PLPPR5: variants seen among roughly 807,000 people sequenced by gnomAD.
PLPPR5 encodes the protein phospholipid phosphatase related 5, also known as phospholipid phosphatase-related protein type 5.
PLPPR5 carries 16 observed loss-of-function variants against 33.9 expected under a neutral mutation model. The ratio of observed to expected loss-of-function variants is 0.47; its 90% CI spans 0.32 to 0.72. The LOEUF (loss-of-function observed/expected upper bound fraction) is 0.72. Ranked by LOEUF, PLPPR5 falls within the 30% of genes least tolerant of loss-of-function variation. PLPPR5 has a pLI of 0.03. For synonymous variants in PLPPR5, 163 were observed against 150.3 expected, an observed-to-expected ratio of 1.08 and a Z score of -0.62; for missense variants, 301 against 406.7, an observed-to-expected ratio of 0.74 and a Z score of 2.23.
intron 4 of PLPPR5, among the ~76,000 whole-genome samples, chr1:98,920,556 T>C (rs1378549542): frequency 8.2e-6 from 1 of 122,366 alleles, no homozygotes; most frequent in Non-Finnish European, 1.6e-5. Flanking sequence ...AGTCTAAGTC[T>C]CCCAGGGACC....
At chr1:98,957,151 A>C (rs1046774331) in intron 1 of PLPPR5, among the ~76,000 whole-genome samples, 8 of 141,248 alleles carry the variant, frequency 5.7e-5, no homozygotes, top group Non-Finnish European at 1.1e-4. Flanking sequence ...ACACATGGAC[A>C]CAGGAAGGGG....
intron 5 of PLPPR5, among the ~76,000 whole-genome samples, 163 bp downstream of exon 5, chr1:98,914,623 A>G (rs992276735): frequency 5.3e-5 from 8 of 152,112 alleles, no homozygotes; most frequent in African/African-American, 1.9e-4. Context: ...AATGTGATAT[A>G]TATTTTTCTA....
chr1:98,953,180 T>C lies in PLPPR5; in HGVS notation c.511A>G (p.Ile171Val), dbSNP rs1243705623. ...ALGCQQYTQFISGEEACTGNP... is the reference protein window; with the variant it reads ...ALGCQQYTQFVSGEEACTGNP... ...CCAGTACAGGCCTCTTCCCCACTGA[T>C]GAATTGTGTATACTGCTGACATCCA... The change falls in exon 3 of 6, where the codon ATC becomes GTC. Residue 171 changes from isoleucine (I) to valine (V), a missense_variant. Transcript: ENST00000263177. 1.9e-6 allele frequency: 3 copies of C among 1,614,136 alleles called. No individual in the cohort carries two copies. The South Asian group carries it at 3.3e-5, about 18-fold the overall frequency.
intron 1 of PLPPR5, among the ~76,000 whole-genome samples, chr1:98,970,950 C>T (rs1007385654): frequency 6.6e-6 from 1 of 152,046 alleles, no homozygotes; most frequent in Non-Finnish European, 1.5e-5. Flanking sequence ...CTGCACTTAT[C>T]AGTATAATTT....
At chr1:98,987,300 G>A (rs977593374) in intron 1 of PLPPR5, among the ~76,000 whole-genome samples, 1 of 151,716 alleles carries the variant, frequency 6.6e-6, no homozygotes, top group Admixed American at 6.6e-5. Context: ...TAAATTATAT[G>A]GGAAGCACTT....
chr1:98,983,747 C>T (rs1214994380), intron 1 of PLPPR5, among the ~76,000 whole-genome samples: 2 of 151,908 alleles, frequency 1.3e-5, no homozygotes, highest in African/African-American at 4.8e-5. Context: ...TCTCCAGCAC[C>T]TGTTGTTTCC....
chr1:98,907,647 G>A (rs541159452), intron 5 of PLPPR5, among the ~76,000 whole-genome samples: 1 of 152,258 alleles, frequency 6.6e-6, no homozygotes, highest in South Asian at 2.1e-4. Context: ...TAAAATGAAT[G>A]GGAAAAGATT....
intron 1 of PLPPR5, among the ~76,000 whole-genome samples, chr1:98,966,034 A>C (rs1037168645): frequency 1.3e-5 from 2 of 152,180 alleles, no homozygotes; most frequent in Admixed American, 6.5e-5. Flanking sequence ...GTGGGGTTTT[A>C]TTTGTTACAG....
chr1:98,915,400 C>T (rs185279462), intron 4 of PLPPR5, among the ~76,000 whole-genome samples: 1 of 152,060 alleles, frequency 6.6e-6, no homozygotes, highest in Non-Finnish European at 1.5e-5. Flanking sequence ...CCTTAATTAA[C>T]CTAGCTTATC....
intron 3 of PLPPR5, among the ~76,000 whole-genome samples, chr1:98,925,322 T>A (rs143314348): frequency 2.0e-3 from 305 of 152,254 alleles, no homozygotes; most frequent in African/African-American, 6.5e-3. Context: ...TCCTCTAGGG[T>A]CAGTAGATGC....
chr1:98,993,725 T>A (rs1277534442), intron 1 of PLPPR5, among the ~76,000 whole-genome samples: 1 of 152,122 alleles, frequency 6.6e-6, no homozygotes, highest in African/African-American at 2.4e-5. Context: ...TTTGATGAGA[T>A]ATCTGGAAAT....
In PLPPR5 at chr1:99,003,488, T is replaced by G. The variant is rs747026157; in HGVS notation, c.237+947A>C. Among the ~76,000 whole-genome samples, 30 of 152,028 alleles carry G rather than the reference T, an allele frequency of 2.0e-4. 1 individual carries two copies. Among genetic ancestry groups the G allele is most frequent in the Admixed American group, 1.9e-3 (29 of 15,260 alleles). ...GGAACCTCCAATACTTTGTCAATAT[T>G]AAAGGAACCATAAAATATCAGGTTT... is the stretch of plus-strand genomic sequence containing the variant. On this transcript the variant is annotated intron_variant, in intron 1 of 5. Coordinates refer to ENST00000263177, the MANE Select transcript of PLPPR5 (RefSeq NM_001037317.2).
At chr1:98,928,659 C>G (rs1649854132) in intron 3 of PLPPR5, among the ~76,000 whole-genome samples, 1 of 147,668 alleles carries the variant, frequency 6.8e-6, no homozygotes, top group Non-Finnish European at 1.5e-5. Context: ...AGTGAATATT[C>G]CAAAAAAGAT....
chr1:98,923,661 TG>T (rs1376776551), intron 3 of PLPPR5, among the ~76,000 whole-genome samples: 1 of 152,140 alleles, frequency 6.6e-6, no homozygotes, highest in Non-Finnish European at 1.5e-5. Context: ...CTCAATACTC[TG>T]GGGCAGGGGG....
At chr1:98,893,670 A>G (rs1570674407) in intron 5 of PLPPR5, among the ~76,000 whole-genome samples, 1 of 148,314 alleles carries the variant, frequency 6.7e-6, no homozygotes, top group Admixed American at 6.7e-5. Context: ...GTACAAAGAA[A>G]CTCTGTGGAA....
chr1:99,004,035 C>T (rs1291344484), intron 1 of PLPPR5, among the ~76,000 whole-genome samples: 1 of 152,178 alleles, frequency 6.6e-6, no homozygotes, highest in Non-Finnish European at 1.5e-5. Flanking sequence ...GGCCCGCCCG[C>T]CGCTGCTCTT....
chr1:98,969,112 G>T (rs434638), intron 1 of PLPPR5, among the ~76,000 whole-genome samples: 4 of 152,034 alleles, frequency 2.6e-5, no homozygotes, highest in African/African-American at 9.7e-5. Context: ...TTTGAGCTTA[G>T]AAATATATAT....
At chr1:98,945,370 T>G (rs1021567142) in intron 3 of PLPPR5, among the ~76,000 whole-genome samples, 2 of 152,224 alleles carry the variant, frequency 1.3e-5, no homozygotes, top group Non-Finnish European at 2.9e-5. Flanking sequence ...TCTTCCTAAT[T>G]CATATTATGC....
At position 98,921,902 on chromosome 1, in the gene PLPPR5, T is replaced by G; in HGVS notation, c.778A>C (p.Ile260Leu). ...CTTACCAGAAATACTGCTATAGATA[T>G]TCCAACCAGAAAGCCTGCTATAACA... The part of the protein sequence containing the change: ...SDVIAGFLVG[I>L]SIAVFLVVCV... The change falls in exon 4 of 6, where the codon ATA (isoleucine) becomes CTA (leucine). Residue 260 changes from isoleucine to leucine, a missense_variant. Transcript: ENST00000263177. 6.2e-7 allele frequency: 1 copy of G among 1,613,358 alleles called. No individual in the cohort carries two copies.
Sources: allele counts gnomAD v4.1 joint callset (sites outside exome capture counted in the v4.1 genomes callset), GRCh38; gene constraint gnomAD v4.1.1; transcripts MANE v1.5; gene names NCBI Gene and HGNC (gene_info 2026-07-23, HGNC 2026-07-21).